PCDH15: variants seen among roughly 807,000 people sequenced by gnomAD.
PCDH15 encodes protocadherin related 15, also known as protocadherin-15.
In PCDH15, 129 loss-of-function variants were observed where a neutral mutation model predicts 178.5. That is an observed-to-expected ratio of 0.72 (90% CI 0.63 to 0.84). The LOEUF is 0.84. Ranked by LOEUF, PCDH15 falls within the 40% of genes least tolerant of loss-of-function variation. PCDH15 has a pLI of 0.00. For missense variants in PCDH15, 2,230 were observed against 2,099.9 expected, an observed-to-expected ratio of 1.06 and a Z score of -1.21; for synonymous variants, 800 against 732.0, an observed-to-expected ratio of 1.09 and a Z score of -1.50.
chr10:55,537,411 T>TTATGTATTTATG (rs1554794060), intron 2 of PCDH15, among the ~76,000 whole-genome samples: 1 of 150,678 alleles, frequency 6.6e-6, no homozygotes, highest in Non-Finnish European at 1.5e-5. Context: ...ATTTATGTAT[T>TTATGTATTTATG]TATGTATGTA....
chr10:54,861,926 G>T (rs934294685), intron 3 of PCDH15, among the ~76,000 whole-genome samples: 14 of 152,150 alleles, frequency 9.2e-5, no homozygotes, highest in Non-Finnish European at 1.9e-4. Context: ...GCATAGAGCT[G>T]CTAGGTAAAT....
intron 1 of PCDH15, among the ~76,000 whole-genome samples, chr10:54,741,808 C>T (rs374790355): frequency 1.3e-3 from 199 of 152,046 alleles, no homozygotes; most frequent in African/African-American, 4.5e-3. Context: ...CTTCTCTCTT[C>T]GACTTCAAAA....
intron 2 of PCDH15, among the ~76,000 whole-genome samples, chr10:55,492,478 T>A (rs1840440370): frequency 1.3e-5 from 2 of 151,694 alleles, no homozygotes; most frequent in Non-Finnish European, 2.9e-5. Context: ...AGGAAGGATG[T>A]CAGGAGCTAC....
chr10:54,333,349 A>G (rs1403275939), intron 6 of PCDH15, among the ~76,000 whole-genome samples: 2 of 152,168 alleles, frequency 1.3e-5, no homozygotes, highest in Non-Finnish European at 2.9e-5. Flanking sequence ...AAGCCACTGT[A>G]TTAAATTTAA....
At position 54,958,122 on chromosome 10, in the gene PCDH15, G is replaced by A. The variant is rs994671536; in HGVS notation, c.-79-60622C>T. On this transcript the variant is annotated intron_variant, in intron 2 of 5. Transcript: ENST00000458638. ...CTTATCACTTCTCTAAAACTTTACC[G>A]TTTTTTGTTGAAGATGCTATATAAG... is the stretch of plus-strand genomic sequence containing the variant. Among the ~76,000 whole-genome samples, 10 of 151,782 alleles carry A rather than the reference G, an allele frequency of 6.6e-5. No individual in the cohort carries two copies. In the South Asian group the frequency reaches 8.3e-4, roughly 13 times the overall value.
At chr10:54,634,012 A>C (rs1016244270) in intron 2 of PCDH15, among the ~76,000 whole-genome samples, 2 of 152,148 alleles carry the variant, frequency 1.3e-5, no homozygotes, top group African/African-American at 4.8e-5. Context: ...TGGCCACTGG[A>C]GCCAATCCTT....
At chr10:54,111,146 C>T (rs1200404190) in intron 15 of PCDH15, among the ~76,000 whole-genome samples, 1 of 152,142 alleles carries the variant, frequency 6.6e-6, no homozygotes, top group Non-Finnish European at 1.5e-5. Context: ...TATATACTTA[C>T]ACTTTAATCA....
chr10:54,404,556 CTA>C (rs1952373446), intron 3 of PCDH15, among the ~76,000 whole-genome samples: 1 of 151,758 alleles, frequency 6.6e-6, no homozygotes, highest in Non-Finnish European at 1.5e-5. Flanking sequence ...AAACCAAAAA[CTA>C]TAAAAACCCA....
intron 1 of PCDH15, among the ~76,000 whole-genome samples, chr10:54,669,570 G>A (rs1038327742): frequency 4.7e-5 from 7 of 149,840 alleles, no homozygotes; most frequent in Non-Finnish European, 3.0e-5. Flanking sequence ...TTAAATTCAA[G>A]GGGTTCCGTT....
chr10:55,593,057 A>T (rs1332741693), intron 2 of PCDH15, among the ~76,000 whole-genome samples: 1 of 151,972 alleles, frequency 6.6e-6, no homozygotes, highest in Non-Finnish European at 1.5e-5. Flanking sequence ...TTTAGAAGTG[A>T]ATATTGAAAA....
Position 54,385,984 on chromosome 10 carries a change from A to G in PCDH15, c.158-7042T>C, listed in dbSNP as rs184056036. On this transcript the variant is annotated intron_variant, in intron 3 of 37. Transcript: ENST00000644397. ...GTTTTATTCTTTTTGATGCTATTGT[A>G]AACTGAACTATTCTCTTAATGTCTT... Among the ~76,000 whole-genome samples the G allele has an allele frequency of 1.1e-3, 164 of 152,252 alleles. 1 individual carries two copies. Among genetic ancestry groups the G allele is most frequent in the Non-Finnish European group, 1.2e-3 (81 of 68,010 alleles).
At chr10:54,001,784 C>T (rs377645980) in intron 20 of PCDH15, among the ~76,000 whole-genome samples, 49 of 151,234 alleles carry the variant, frequency 3.2e-4, no homozygotes, top group African/African-American at 9.9e-4. Flanking sequence ...AGTGGATGAA[C>T]GGATTAAAGA....
intron 8 of PCDH15, among the ~76,000 whole-genome samples, chr10:54,309,355 AC>A (rs1423153258): frequency 2.1e-5 from 3 of 145,410 alleles, no homozygotes; most frequent in Non-Finnish European, 4.5e-5. Context: ...ACACACACAC[AC>A]TTCACATATG....
intron 7 of PCDH15, among the ~76,000 whole-genome samples, chr10:54,328,461 G>T (rs1591819401): frequency 6.6e-6 from 1 of 152,032 alleles, no homozygotes; most frequent in Non-Finnish European, 1.5e-5. Flanking sequence ...TCATCAGTGT[G>T]CCCAGTCTCA....
intron 2 of PCDH15, among the ~76,000 whole-genome samples, chr10:54,559,025 G>T (rs574151475): frequency 6.6e-6 from 1 of 151,896 alleles, no homozygotes; most frequent in African/African-American, 2.4e-5. Context: ...AATTGCGCAG[G>T]TTCCTCATGA....
At chr10:54,406,374 A>G (rs2135552131) in intron 3 of PCDH15, among the ~76,000 whole-genome samples, 1 of 152,260 alleles carries the variant, frequency 6.6e-6, no homozygotes, top group South Asian at 2.1e-4. Context: ...AATAGGTAGG[A>G]ATTAGTCAAC....
intron 2 of PCDH15, among the ~76,000 whole-genome samples, chr10:54,622,670 A>C (rs1184109827): frequency 7.7e-5 from 7 of 91,002 alleles, no homozygotes; most frequent in African/African-American, 2.8e-4. Flanking sequence ...AATATATATT[A>C]TATATAATAT....
chr10:54,692,361 C>G (rs540131506), intron 1 of PCDH15, among the ~76,000 whole-genome samples: 1 of 152,118 alleles, frequency 6.6e-6, no homozygotes, highest in East Asian at 1.9e-4. Flanking sequence ...AACTAGTATA[C>G]GTTTGCTTCC....
exon 3 of PCDH15, chr10:54,897,498 T>A (rs1456986120): frequency 6.6e-6 from 1 of 152,192 alleles, no homozygotes; most frequent in Non-Finnish European, 1.5e-5. Context: ...ACAATGCAAA[T>A]TCCTGTAAAT....
Sources: gnomAD v4.1 joint callset for allele counts (sites outside exome capture counted in the v4.1 genomes callset) on GRCh38, gnomAD v4.1.1 for gene constraint, MANE v1.5 for transcripts, NCBI Gene and HGNC (gene_info 2026-07-23, HGNC 2026-07-21) for gene names.